IMPACT: variants seen among roughly 807,000 people sequenced by gnomAD.
The protein encoded by IMPACT is impact RWD domain protein.
In IMPACT, 35 loss-of-function variants were observed where a neutral mutation model predicts 47.5. The ratio of observed to expected loss-of-function variants is 0.74; its 90% CI spans 0.56 to 0.98. The LOEUF (loss-of-function observed/expected upper bound fraction) is 0.98. IMPACT is among the 50% of genes least tolerant of loss of function. The pLI is 0.00. For synonymous variants in IMPACT, 118 were observed against 125.6 expected (o/e 0.94, Z 0.40); for missense variants, 373 against 394.8 (o/e 0.94, Z 0.47).
intron 4 of IMPACT, among the ~76,000 whole-genome samples, chr18:24,433,108 G>T (rs543762328): frequency 2.7e-5 from 4 of 150,780 alleles, no homozygotes; most frequent in Non-Finnish European, 4.4e-5. Flanking sequence ...TATTTAATGC[G>T]CTCGAATAAC....
chr18:24,441,477 C>T (rs1286861021), intron 6 of IMPACT, among the ~76,000 whole-genome samples: 2 of 152,136 alleles, frequency 1.3e-5, no homozygotes, highest in African/African-American at 2.4e-5. Context: ...CCACCACGCC[C>T]GGCCTAGTTT....
intron 8 of IMPACT, among the ~76,000 whole-genome samples, chr18:24,447,622 T>C (rs1190049854): frequency 1.3e-5 from 2 of 152,182 alleles, no homozygotes; most frequent in African/African-American, 4.8e-5. Context: ...TTACCTTATG[T>C]TGGTTTTGTT....
rs1909432994 is a variant in IMPACT, at chr18:24,453,289, A to T, written c.*2442A>T. On this transcript the variant is annotated 3_prime_UTR_variant, in exon 11 of 11. Coordinates refer to ENST00000284202, the MANE Select transcript of IMPACT (RefSeq NM_018439.4). ...GCGGATGCTGTTTGGAGGACAGGAA[A>T]ATTTATCGGGAAAATTACATAATCC... 1 of 152,158 alleles carries T rather than the reference A, an allele frequency of 6.6e-6. No homozygotes were observed. Among genetic ancestry groups the T allele is most frequent in the Admixed American group, 6.5e-5 (1 of 15,268 alleles). The allele number at this position is 152,158 out of a possible 1,614,324, so 9.4% of individuals were successfully genotyped here. A position where few individuals can be genotyped will look rare whatever the true frequency, so the allele number is the denominator to read the frequency against.
intron 4 of IMPACT, among the ~76,000 whole-genome samples, chr18:24,435,887 G>GTTTTTTGTTTTTGTTTTTTTTTTTTTTTT (rs1555666604): frequency 6.6e-6 from 1 of 151,862 alleles, no homozygotes; most frequent in Non-Finnish European, 1.5e-5. Context: ...TGTCTTCTTT[G>GTTTTTTGTTTTTGTTTTTTTTTTTTTTTT]ATGCTGTGTT....
At chr18:24,449,231 T>C (rs1909318449) in intron 9 of IMPACT, among the ~76,000 whole-genome samples, 1 of 152,022 alleles carries the variant, frequency 6.6e-6, no homozygotes, top group African/African-American at 2.4e-5. Flanking sequence ...GGCATGGTGG[T>C]GCATGCACCT....
intron 4 of IMPACT, among the ~76,000 whole-genome samples, chr18:24,433,665 ATTTTTTTT>A (rs34462493): frequency 1.1e-5 from 1 of 90,586 alleles, no homozygotes; most frequent in Admixed American, 1.4e-4. Flanking sequence ...GTGTGACAGC[ATTTTTTTT>A]TTTTTTTTTT....
chr18:24,447,694 A>T (rs1298064369), intron 8 of IMPACT, among the ~76,000 whole-genome samples: 1 of 152,164 alleles, frequency 6.6e-6, no homozygotes, highest in Non-Finnish European at 1.5e-5. Flanking sequence ...TTGAAGACAG[A>T]TGCATGCCAC....
chr18:24,428,763 C>T (rs764229642), intron 2 of IMPACT, 106 bp from the exon 3 acceptor site: 1 of 747,896 alleles, frequency 1.3e-6, no homozygotes, highest in Non-Finnish European at 2.2e-6. Context: ...CTTTTCCTTT[C>T]ATCTCTGTCC....
intron 4 of IMPACT, 91 bp downstream of exon 4, chr18:24,430,475 T>A: frequency 1.2e-6 from 1 of 851,216 alleles, no homozygotes; most frequent in Non-Finnish European, 1.8e-6. Flanking sequence ...AGAACCTCTC[T>A]AAACTTTTTA....
At chr18:24,447,312 C>T (rs1371078498) in intron 8 of IMPACT, among the ~76,000 whole-genome samples, 5 of 152,118 alleles carry the variant, frequency 3.3e-5, no homozygotes, top group Admixed American at 6.5e-5. Flanking sequence ...GTCTTTACTA[C>T]ATTTACCCAG....
chr18:24,437,321 A>G (rs1908975134), intron 4 of IMPACT, among the ~76,000 whole-genome samples: 1 of 152,176 alleles, frequency 6.6e-6, no homozygotes, highest in Non-Finnish European at 1.5e-5. Context: ...CCTGTGACAC[A>G]TTCTTTTTCT....
At chr18:24,428,152 C>G in intron 2 of IMPACT, 105 bp downstream of exon 2, 1 of 1,105,332 alleles carries the variant, frequency 9.0e-7, no homozygotes, top group Non-Finnish European at 1.3e-6. Context: ...TATCTTTGTT[C>G]TTGGCTTTTC....
In IMPACT at chr18:24,426,715, G is replaced by T; in HGVS notation, c.-42G>T. On this transcript the variant is annotated 5_prime_UTR_variant, in exon 1 of 11. Transcript: ENST00000284202. The stretch of plus-strand genomic sequence containing the variant: ...CCGCAGCGCCCCGCCCCCGCGCTCC[G>T]GACCTGGCAGGCGGCGGCTGCAGGG... 8.1e-7 allele frequency: 1 copy of T among 1,241,270 alleles called. No individual in the cohort carries two copies. The allele number at this position is 1,241,270 out of a possible 1,614,324, so 76.9% of individuals were successfully genotyped here.
At chr18:24,437,178 A>G (rs1908970313) in intron 4 of IMPACT, among the ~76,000 whole-genome samples, 1 of 152,192 alleles carries the variant, frequency 6.6e-6, no homozygotes, top group Non-Finnish European at 1.5e-5. Flanking sequence ...GTTGCTATAT[A>G]GTAGTGTGGT....
At chr18:24,428,167 T>C in intron 2 of IMPACT, 120 bp downstream of exon 2, 2 of 910,874 alleles carry the variant, frequency 2.2e-6, no homozygotes, top group Non-Finnish European at 3.3e-6. Flanking sequence ...CTTTTCTCAA[T>C]GATTAAACAC....
rs140863597 is a variant in IMPACT, at chr18:24,430,241, A to C, written c.219-81A>C. ...AAAATAATTTTTTAAAGCCAAAAAA[A>C]TTTATTTGTGATGTAATCTGTAATT... On this transcript the variant is annotated intron_variant, in intron 3 of 10. Coordinates refer to ENST00000284202, the MANE Select transcript of IMPACT (RefSeq NM_018439.4). The C allele has an allele frequency of 3.3e-3, 3,283 of 988,932 alleles. 24 individuals carry two copies. Among genetic ancestry groups the C allele is most frequent in the South Asian group, 0.011 (631 of 56,830 alleles). 61.3% of individuals were successfully genotyped at this position (988,932 alleles called of 1,614,324 possible).
intron 4 of IMPACT, among the ~76,000 whole-genome samples, chr18:24,433,344 C>T (rs1177049429): frequency 9.3e-5 from 14 of 149,898 alleles, no homozygotes; most frequent in South Asian, 4.2e-4. Context: ...GGACTACAGG[C>T]GCCCGCCACC....
At chr18:24,433,196 T>TC (rs1415725958) in intron 4 of IMPACT, among the ~76,000 whole-genome samples, 3 of 134,194 alleles carry the variant, frequency 2.2e-5, no homozygotes, top group Non-Finnish European at 4.8e-5. Flanking sequence ...TTTTTTTTTT[T>TC]TTTTTTTTTT....
chr18:24,445,033 C>T (rs1909212611), intron 7 of IMPACT, among the ~76,000 whole-genome samples: 1 of 152,194 alleles, frequency 6.6e-6, no homozygotes, highest in African/African-American at 2.4e-5. Flanking sequence ...CACTATTGTA[C>T]ACCTGCTACA....
Sources: gnomAD v4.1 joint callset for allele counts (sites outside exome capture counted in the v4.1 genomes callset) on GRCh38, gnomAD v4.1.1 for gene constraint, MANE v1.5 for transcripts, NCBI Gene and HGNC (gene_info 2026-07-23, HGNC 2026-07-21) for gene names.